Variants in TOR1AIP2 observed in about 807,000 individuals in gnomAD.
TOR1AIP2 encodes torsin 1A interacting protein 2, also known as torsin-1A-interacting protein 2.
TOR1AIP2 carries 20 observed loss-of-function variants against 32.6 expected under a neutral mutation model. That is an observed-to-expected ratio of 0.61 (90% CI 0.43 to 0.89). TOR1AIP2 has a LOEUF of 0.89. Among genes scored for constraint, TOR1AIP2 ranks in the 40% least tolerant of loss-of-function variants. TOR1AIP2 has a pLI of 0.00. For synonymous variants in TOR1AIP2, 214 were observed against 210.8 expected (o/e 1.02, Z -0.13); for missense variants, 456 against 553.8 (o/e 0.82, Z 1.77).
chr1:179,863,315 A>T (rs1262249537), intron 3 of TOR1AIP2: 1 of 984,826 alleles, frequency 1.0e-6, no homozygotes, highest in Non-Finnish European at 1.2e-6. Flanking sequence ...CCCTTTGCCA[A>T]GGTTTCCCAG....
chr1:179,847,419 AT>A (rs1437101123), intron 6 of TOR1AIP2, 115 bp downstream of exon 6: 1 of 744,606 alleles, frequency 1.3e-6, no homozygotes, highest in Non-Finnish European at 2.4e-6. Context: ...CAATCATTAA[AT>A]AAGTATATAT....
In TOR1AIP2 at chr1:179,855,515, C is replaced by T. The variant is rs565481461; in HGVS notation, c.-146-2704G>A. ...TTAATGGTGAGATAACATTTCACAC[C>T]AGCAGACTGGTAAAAAGTCAGGCAA... On this transcript the variant is annotated intron_variant, in intron 3 of 6. Transcript: ENST00000609928. Among the ~76,000 whole-genome samples, 10 of 152,232 alleles carry T rather than the reference C, an allele frequency of 6.6e-5. No homozygotes were observed. In the South Asian group the frequency reaches 1.7e-3, roughly 25 times the overall value.
At chr1:179,850,227 G>C (rs548324174) in intron 5 of TOR1AIP2, among the ~76,000 whole-genome samples, 2 of 151,882 alleles carry the variant, frequency 1.3e-5, no homozygotes, top group African/African-American at 4.9e-5. Context: ...GCAAGTGGTA[G>C]GGCCACAACT....
At chr1:179,860,490 A>G in intron 3 of TOR1AIP2, 1 of 985,500 alleles carries the variant, frequency 1.0e-6, no homozygotes, top group Non-Finnish European at 1.2e-6. Context: ...TCAAAAAAAC[A>G]AAACAAAACA....
rs1340554999 is a variant in TOR1AIP2 at position 179,845,237 on chromosome 1, G to A, written c.*834C>T. On this transcript the variant is annotated 3_prime_UTR_variant, in exon 7 of 7. Coordinates refer to ENST00000609928, the MANE Select transcript of TOR1AIP2 (RefSeq NM_001199260.2). ...CTCTTTGTTCCAATGAAATCTCATA[G>A]AGAACCCCAACATATAAAACAGTTA... The A allele has an allele frequency of 1.3e-5, 2 of 152,032 alleles. No homozygotes were observed. The highest frequency in any genetic ancestry group is 2.9e-5 in the Non-Finnish European group (2 of 68,004). The allele number at this position is 152,032 out of a possible 1,614,324, so 9.4% of individuals were successfully genotyped here. A position where few individuals can be genotyped will look rare whatever the true frequency, so the allele number is the denominator to read the frequency against.
intron 4 of TOR1AIP2, among the ~76,000 whole-genome samples, chr1:179,852,395 A>G (rs16854843): frequency 0.019 from 2,928 of 152,306 alleles, 116 homozygotes; most frequent in African/African-American, 0.067. Flanking sequence ...TTCCATTACT[A>G]TAAGTCCTTA....
chr1:179,855,946 A>T (rs1383205105), intron 3 of TOR1AIP2, among the ~76,000 whole-genome samples: 1 of 152,198 alleles, frequency 6.6e-6, no homozygotes, highest in African/African-American at 2.4e-5. Context: ...TCAGAGGCCA[A>T]GGCAGACAGA....
At chr1:179,874,597 T>A (rs1697124862) in intron 2 of TOR1AIP2, 1 of 151,720 alleles carries the variant, frequency 6.6e-6, no homozygotes, top group Admixed American at 6.6e-5. Context: ...ACCTTGTTCA[T>A]ACAAAAAATA....
At chr1:179,849,178 A>G (rs1393252812) in intron 5 of TOR1AIP2, among the ~76,000 whole-genome samples, 1 of 152,132 alleles carries the variant, frequency 6.6e-6, no homozygotes, top group Non-Finnish European at 1.5e-5. Context: ...TGAGATGAAA[A>G]CAAAGTTTCT....
intron 4 of TOR1AIP2, among the ~76,000 whole-genome samples, chr1:179,851,733 C>T (rs1148815): frequency 0.39 from 58,705 of 151,890 alleles, 11,728 homozygotes; most frequent in African/African-American, 0.47. Flanking sequence ...CTGAACCCAG[C>T]GACCAATCTT....
rs569924675 is a variant in TOR1AIP2, at chr1:179,864,508, G to GT, written c.-147+927dup. 3.5e-5 allele frequency: 40 copies of GT among 1,143,386 alleles called. No homozygotes were observed. The African/African-American group carries it at 5.8e-4, about 16-fold the overall frequency. The allele number at this position is 1,143,386 out of a possible 1,614,324, so 70.8% of individuals were successfully genotyped here. A position where few individuals can be genotyped will look rare whatever the true frequency, so the allele number is the denominator to read the frequency against. ...GGTTGCAGAAATTTTTTTAGGAGTGGTAAGTTAGTTCCAAAACAGTTTATA... is the reference window on the plus strand; with the variant it reads ...GGTTGCAGAAATTTTTTTAGGAGTGGTTAAGTTAGTTCCAAAACAGTTTATA... On this transcript the variant is annotated intron_variant, in intron 3 of 6. Transcript: ENST00000609928.
At chr1:179,867,634 T>C (rs1466500428) in intron 2 of TOR1AIP2, 1 of 152,204 alleles carries the variant, frequency 6.6e-6, no homozygotes, top group African/African-American at 2.4e-5. Context: ...CTATTTCACA[T>C]CTACCACACT....
At chr1:179,856,691 A>G (rs1571671712) in intron 3 of TOR1AIP2, among the ~76,000 whole-genome samples, 1 of 152,052 alleles carries the variant, frequency 6.6e-6, no homozygotes, top group African/African-American at 2.4e-5. Flanking sequence ...ATCTTGGCTC[A>G]CCGCAACCTC....
chr1:179,847,756 AG>A, intron 5 of TOR1AIP2, 120 bp from the exon 6 acceptor site: 1 of 698,636 alleles, frequency 1.4e-6, no homozygotes, highest in East Asian at 2.8e-5. Flanking sequence ...TACCTTGGCC[AG>A]GTACGGTGGC....
chr1:179,846,855 A>G, intron 6 of TOR1AIP2, 27 bp from the exon 7 acceptor site: 1 of 1,555,432 alleles, frequency 6.4e-7, no homozygotes, highest in South Asian at 1.2e-5. Flanking sequence ...AAAGGAATAG[A>G]AAATTACAGA....
intron 3 of TOR1AIP2, among the ~76,000 whole-genome samples, chr1:179,856,210 G>A (rs567786812): frequency 6.6e-6 from 1 of 152,216 alleles, no homozygotes; most frequent in African/African-American, 2.4e-5. Flanking sequence ...CTTTACTGAG[G>A]TGGTGGTTCC....
At chr1:179,860,947 G>T (rs1187597547) in intron 3 of TOR1AIP2, 4 of 985,268 alleles carry the variant, frequency 4.1e-6, no homozygotes, top group Non-Finnish European at 4.8e-6. Flanking sequence ...TGTTTGCCTG[G>T]GCTTCCTTCA....
intron 3 of TOR1AIP2, chr1:179,863,549 C>T: frequency 1.0e-6 from 1 of 984,808 alleles, no homozygotes; most frequent in Non-Finnish European, 1.2e-6. Flanking sequence ...GGATCCTAGG[C>T]CGGGTAGGGT....
chr1:179,863,887 T>C (rs1473940974), intron 3 of TOR1AIP2: 2 of 985,424 alleles, frequency 2.0e-6, no homozygotes, highest in Non-Finnish European at 2.4e-6. Flanking sequence ...ATGATTTTCA[T>C]GAAAGTCCAG....
Sources: allele counts gnomAD v4.1 joint callset (sites outside exome capture counted in the v4.1 genomes callset), GRCh38; gene constraint gnomAD v4.1.1; transcripts MANE v1.5; gene names NCBI Gene and HGNC (gene_info 2026-07-23, HGNC 2026-07-21).